LRBA: variants seen among roughly 807,000 people sequenced by gnomAD.
LRBA encodes LPS responsive beige-like anchor protein.
Under a neutral mutation model 330.0 loss-of-function variants are expected in LRBA, and 176 were observed. That is an observed-to-expected ratio of 0.53 (90% CI 0.47 to 0.60). The LOEUF (loss-of-function observed/expected upper bound fraction) is 0.60, where lower values mean the gene tolerates loss of function less well. LRBA is among the 20% of genes least tolerant of loss of function. The pLI, the probability that LRBA is intolerant of heterozygous loss-of-function variation, is 0.00. For synonymous variants in LRBA, 1,230 were observed against 1,193.0 expected, an observed-to-expected ratio of 1.03 and a Z score of -0.64; for missense variants, 3,259 against 3,444.8, an observed-to-expected ratio of 0.95 and a Z score of 1.35.
intron 37 of LRBA, among the ~76,000 whole-genome samples, chr4:150,662,452 C>G (rs1263888728): frequency 6.6e-6 from 1 of 152,184 alleles, no homozygotes; most frequent in African/African-American, 2.4e-5. Context: ...GATAAATAGG[C>G]TGTGCCTCAA....
intron 2 of LRBA, among the ~76,000 whole-genome samples, chr4:150,961,266 A>G (rs1738114815): frequency 6.7e-6 from 1 of 149,340 alleles, no homozygotes; most frequent in Non-Finnish European, 1.5e-5. Context: ...GAATCACTGA[A>G]TCTATGTGAA....
At chr4:151,010,999 G>T (rs1183072361) in intron 2 of LRBA, among the ~76,000 whole-genome samples, 1 of 151,734 alleles carries the variant, frequency 6.6e-6, no homozygotes, top group Non-Finnish European at 1.5e-5. Context: ...CATCCTGGCT[G>T]ACACGGTGAA....
rs776201973 is a variant in LRBA at position 150,735,252 on chromosome 4, AC to A, written c.5754+5del. 1.9e-6 allele frequency: 3 copies of A among 1,605,350 alleles called. No individual in the cohort carries two copies. Among genetic ancestry groups the A allele is most frequent in the African/African-American group, 1.3e-5 (1 of 74,748 alleles). ...CTTCCGCACACCAACCATATGTGTA[AC>A]CTACCTCAAATTCCGCATGTCTGTG... On this transcript the variant is annotated splice_donor_5th_base_variant and intron_variant, in intron 36 of 56. Transcript: ENST00000651943.
At chr4:150,578,236 G>C (rs1770787333) in intron 40 of LRBA, among the ~76,000 whole-genome samples, 1 of 152,042 alleles carries the variant, frequency 6.6e-6, no homozygotes, top group Non-Finnish European at 1.5e-5. Context: ...TATTATCTTA[G>C]AATAAAACAT....
intron 2 of LRBA, among the ~76,000 whole-genome samples, chr4:150,938,077 A>G (rs946499277): frequency 7.5e-6 from 1 of 133,936 alleles, no homozygotes; most frequent in South Asian, 2.4e-4. Context: ...GGTATAGTTT[A>G]AAAAAAAAAA....
intron 22 of LRBA, among the ~76,000 whole-genome samples, chr4:150,855,204 A>AG (rs1471021358): frequency 1.3e-5 from 2 of 152,218 alleles, no homozygotes; most frequent in Non-Finnish European, 2.9e-5. Context: ...CAGAGGTTGC[A>AG]GTGAGCCAAA....
At chr4:150,298,523 C>CA (rs1354467884) in intron 53 of LRBA, among the ~76,000 whole-genome samples, 1 of 151,914 alleles carries the variant, frequency 6.6e-6, no homozygotes, top group Non-Finnish European at 1.5e-5. Context: ...AAGTTTTAGA[C>CA]AGAGAAAAAG....
intron 44 of LRBA, among the ~76,000 whole-genome samples, chr4:150,459,763 C>A (rs755191126): frequency 1.3e-5 from 2 of 151,842 alleles, no homozygotes; most frequent in African/African-American, 2.4e-5. Context: ...ATCAATGTGG[C>A]ATACAACAGC....
chr4:150,605,494 A>T (rs1774531485), intron 37 of LRBA, among the ~76,000 whole-genome samples: 3 of 152,180 alleles, frequency 2.0e-5, no homozygotes, highest in Admixed American at 2.0e-4. Context: ...TTTTGTTCTT[A>T]AATTTTCACA....
intron 34 of LRBA, among the ~76,000 whole-genome samples, chr4:150,788,239 A>ATTTTTTTTTTTTTTTTTTT (rs377479266): frequency 8.1e-6 from 1 of 123,238 alleles, no homozygotes; most frequent in African/African-American, 3.9e-5. Context: ...CACCCGGTTA[A>ATTTTTTTTTTTTTTTTTTT]TTTTTTTTTT....
chr4:150,452,266 A>G lies in LRBA; in HGVS notation c.6781-15402T>C, dbSNP rs913435555. Among the ~76,000 whole-genome samples, 5 of 152,230 alleles carry G rather than the reference A, an allele frequency of 3.3e-5. No individual in the cohort carries two copies. The East Asian group carries it at 9.6e-4, about 29-fold the overall frequency. On this transcript the variant is annotated intron_variant, in intron 44 of 56. Transcript: ENST00000651943. ...ATACAATCAGCCAGTGTAATTCACT[A>G]TACTAACCAACTAAAAAAGAAAACG...
chr4:150,280,511 T>C (rs1031236067), intron 55 of LRBA, among the ~76,000 whole-genome samples: 1 of 152,236 alleles, frequency 6.6e-6, no homozygotes, highest in Non-Finnish European at 1.5e-5. Flanking sequence ...TATCAGCTAT[T>C]CATAAAGACA....
chr4:150,733,793 T>C (rs1438086466), intron 36 of LRBA, among the ~76,000 whole-genome samples: 1 of 152,130 alleles, frequency 6.6e-6, no homozygotes, highest in Non-Finnish European at 1.5e-5. Context: ...TTACTGACTG[T>C]CAAAGAAAAG....
chr4:150,838,793 CGTCAAA>C (rs1317600458), intron 28 of LRBA, among the ~76,000 whole-genome samples: 4 of 152,174 alleles, frequency 2.6e-5, no homozygotes, highest in Admixed American at 1.3e-4. Flanking sequence ...TCTCTCAACT[CGTCAAA>C]GTCATTCTCT....
intron 22 of LRBA, among the ~76,000 whole-genome samples, chr4:150,864,223 A>T (rs2126971791): frequency 6.6e-6 from 1 of 152,280 alleles, no homozygotes; most frequent in Middle Eastern, 3.4e-3. Flanking sequence ...GGCGTGAGCC[A>T]CCGTGCCCGG....
chr4:150,681,778 A>G (rs1348609081), intron 37 of LRBA, among the ~76,000 whole-genome samples: 1 of 152,202 alleles, frequency 6.6e-6, no homozygotes, highest in Non-Finnish European at 1.5e-5. Context: ...ACTTGCAGAA[A>G]TATTAAAATT....
intron 2 of LRBA, among the ~76,000 whole-genome samples, chr4:150,980,117 T>C (rs1234332019): frequency 1.3e-5 from 2 of 152,232 alleles, no homozygotes; most frequent in East Asian, 3.9e-4. Flanking sequence ...ATGAAAAAGA[T>C]CATTTATCAT....
intron 47 of LRBA, among the ~76,000 whole-genome samples, chr4:150,409,089 GTAGGGT>G (rs1319164192): frequency 6.6e-6 from 1 of 152,032 alleles, no homozygotes; most frequent in African/African-American, 2.4e-5. Flanking sequence ...CCATACTGGA[GTAGGGT>G]GAGTCCTTAA....
intron 40 of LRBA, among the ~76,000 whole-genome samples, chr4:150,569,598 T>C (rs1456791838): frequency 2.0e-5 from 3 of 152,166 alleles, no homozygotes; most frequent in Non-Finnish European, 1.5e-5. Flanking sequence ...TTTTATCTCA[T>C]CGTACATCTT....
Sources: allele counts gnomAD v4.1 joint callset (sites outside exome capture counted in the v4.1 genomes callset), GRCh38; gene constraint gnomAD v4.1.1; transcripts MANE v1.5; gene names NCBI Gene and HGNC (gene_info 2026-07-23, HGNC 2026-07-21).